UVRAG: variants seen among roughly 807,000 people sequenced by gnomAD.
UVRAG encodes the protein UV radiation resistance-associated gene protein.
UVRAG carries 19 observed loss-of-function variants against 78.0 expected under a neutral mutation model. That is an observed-to-expected ratio of 0.24 (90% confidence interval 0.17 to 0.36). UVRAG has a LOEUF of 0.36. UVRAG is among the 10% of genes least tolerant of loss of function. The pLI is 1.00. For synonymous variants in UVRAG, 323 were observed against 324.6 expected (o/e 1.00, Z 0.05); for missense variants, 740 against 853.8 (o/e 0.87, Z 1.66).
intron 8 of UVRAG, among the ~76,000 whole-genome samples, chr11:75,995,375 G>T (rs1949686201): frequency 1.3e-5 from 2 of 151,450 alleles, no homozygotes. Flanking sequence ...AGATATGTCA[G>T]ATTTCATTGC....
At chr11:76,056,005 G>A (rs992306074) in intron 12 of UVRAG, among the ~76,000 whole-genome samples, 7 of 152,096 alleles carry the variant, frequency 4.6e-5, no homozygotes, top group African/African-American at 1.7e-4. Flanking sequence ...CACTGTGCCC[G>A]GCCAGAAATA....
Position 75,852,010 on chromosome 11 carries a change from T to C in UVRAG, c.235+10T>C, listed in dbSNP as rs751785463. On this transcript the variant is annotated intron_variant, in intron 2 of 14. Coordinates refer to ENST00000356136, the MANE Select transcript of UVRAG (RefSeq NM_003369.4). ...GAAAAGATATATAAAGGTAAGGGGA[T>C]CTGTGGCCTTACTACCCACAGATTG... 25 of 1,537,464 alleles carry C rather than the reference T, an allele frequency of 1.6e-5. No homozygotes were observed. The highest frequency in any genetic ancestry group is 2.2e-5 in the Non-Finnish European group (25 of 1,126,550).
At chr11:76,082,571 A>C (rs556144733) in intron 13 of UVRAG, among the ~76,000 whole-genome samples, 1 of 151,548 alleles carries the variant, frequency 6.6e-6, no homozygotes, top group Non-Finnish European at 1.5e-5. Context: ...ATAGGTAACA[A>C]TTTTTTAAAC....
At chr11:76,091,957 T>C (rs1951706607) in intron 13 of UVRAG, among the ~76,000 whole-genome samples, 1 of 152,118 alleles carries the variant, frequency 6.6e-6, no homozygotes, top group Admixed American at 6.5e-5. Flanking sequence ...TTACATTGGG[T>C]ATATCTCCTA....
intron 4 of UVRAG, among the ~76,000 whole-genome samples, chr11:75,881,429 C>T (rs903189494): frequency 1.3e-5 from 2 of 152,186 alleles, no homozygotes; most frequent in East Asian, 1.9e-4. Flanking sequence ...GATACACAAA[C>T]GGTTGCATTC....
At chr11:76,038,065 A>C (rs141989615) in intron 12 of UVRAG, among the ~76,000 whole-genome samples, 1 of 152,222 alleles carries the variant, frequency 6.6e-6, no homozygotes, top group African/African-American at 2.4e-5. Flanking sequence ...GGGATTATCT[A>C]TTGGTTCTAG....
chr11:75,985,225 G>A (rs1159352530), intron 8 of UVRAG, among the ~76,000 whole-genome samples: 1 of 128,176 alleles, frequency 7.8e-6, no homozygotes, highest in Non-Finnish European at 1.7e-5. Context: ...TAGCCTTTCT[G>A]TTGGATATGT....
At chr11:76,029,505 A>G (rs1177559135) in intron 12 of UVRAG, among the ~76,000 whole-genome samples, 1 of 152,184 alleles carries the variant, frequency 6.6e-6, no homozygotes. Context: ...GGGAGGAGAT[A>G]AAAATATCAG....
chr11:76,035,190 T>G (rs996192875), intron 12 of UVRAG, among the ~76,000 whole-genome samples: 4 of 152,176 alleles, frequency 2.6e-5, no homozygotes, highest in African/African-American at 7.2e-5. Flanking sequence ...GGAGAAAAAC[T>G]TTTTAGAAGC....
At position 76,136,277 on chromosome 11, in the gene UVRAG, T is replaced by C. The variant is rs143665615; in HGVS notation, c.1398-4434T>C. Among the ~76,000 whole-genome samples the C allele has an allele frequency of 2.2e-4, 34 of 152,312 alleles. 2 individuals carry two copies. In the East Asian group the frequency reaches 6.6e-3, roughly 29 times the overall value. On this transcript the variant is annotated intron_variant, in intron 14 of 14. Coordinates refer to ENST00000356136, the MANE Select transcript of UVRAG (RefSeq NM_003369.4). ...TCAAAATTATTTTATTAAAAATCTA[T>C]GCATTATGTTTTTATACGAGATGCT...
chr11:76,067,204 C>G (rs1178424483), intron 13 of UVRAG, among the ~76,000 whole-genome samples: 1 of 152,090 alleles, frequency 6.6e-6, no homozygotes, highest in Non-Finnish European at 1.5e-5. Flanking sequence ...ACTCATTGTC[C>G]TCTCAACCAT....
At chr11:75,835,446 T>C (rs1375440062) in intron 1 of UVRAG, 1 of 152,176 alleles carries the variant, frequency 6.6e-6, no homozygotes, top group Non-Finnish European at 1.5e-5. Flanking sequence ...TCAGCTCAAC[T>C]CTAGGTGGTT....
At position 75,888,909 on chromosome 11, in the gene UVRAG, A is replaced by T; in HGVS notation, c.507+6A>T. On this transcript the variant is annotated splice_donor_region_variant and intron_variant, in intron 5 of 14. Transcript: ENST00000356136. ...GTGCTCCATTTGAACATAAGGTAAG[A>T]AGATCCTTCTAATGTTATGAATTTT... 6.2e-7 allele frequency: 1 copy of T among 1,611,672 alleles called. No individual in the cohort carries two copies. The highest frequency in any genetic ancestry group is 8.5e-7 in the Non-Finnish European group (1 of 1,178,706).
intron 8 of UVRAG, among the ~76,000 whole-genome samples, chr11:75,985,110 G>A (rs1220578301): frequency 6.7e-6 from 1 of 149,366 alleles, no homozygotes; most frequent in African/African-American, 2.5e-5. Flanking sequence ...TCTCCCCTCT[G>A]TCCAGTGTTG....
intron 14 of UVRAG, among the ~76,000 whole-genome samples, chr11:76,138,763 C>T (rs1952644739): frequency 1.3e-5 from 2 of 152,316 alleles, no homozygotes; most frequent in Middle Eastern, 6.8e-3. Context: ...TTCCACCCCT[C>T]GTGGGCTGGG....
intron 8 of UVRAG, among the ~76,000 whole-genome samples, chr11:75,984,691 A>T (rs1280823287): frequency 3.3e-5 from 5 of 152,150 alleles, no homozygotes; most frequent in African/African-American, 1.2e-4. Context: ...CACTGCCAAG[A>T]CTCAAACCGG....
At chr11:76,122,414 T>G (rs1952300157) in intron 14 of UVRAG, among the ~76,000 whole-genome samples, 2 of 152,172 alleles carry the variant, frequency 1.3e-5, no homozygotes, top group African/African-American at 4.8e-5. Flanking sequence ...TCAAACAGGT[T>G]TAAGCTGCCT....
intron 12 of UVRAG, among the ~76,000 whole-genome samples, chr11:76,061,549 C>T (rs1951094964): frequency 6.6e-6 from 1 of 150,998 alleles, no homozygotes. Context: ...AGCTTCACTC[C>T]TGAAGCCAGC....
chr11:75,859,527 T>G (rs1475826542), intron 2 of UVRAG, among the ~76,000 whole-genome samples: 2 of 152,054 alleles, frequency 1.3e-5, no homozygotes, highest in African/African-American at 2.4e-5. Flanking sequence ...ACAATAAAAA[T>G]TATAAAATAT....
Sources: gnomAD v4.1 joint callset for allele counts (sites outside exome capture counted in the v4.1 genomes callset) on GRCh38, gnomAD v4.1.1 for gene constraint, MANE v1.5 for transcripts, NCBI Gene and HGNC (gene_info 2026-07-23, HGNC 2026-07-21) for gene names.